Variants in APBA2 observed in about 807,000 individuals in gnomAD.
The protein encoded by APBA2 is amyloid beta precursor protein binding family A member 2.
Under a neutral mutation model 75.0 loss-of-function variants are expected in APBA2, and 30 were observed. The ratio of observed to expected loss-of-function variants is 0.40; its 90% CI spans 0.30 to 0.54. APBA2 has a LOEUF of 0.54. Ranked by LOEUF, APBA2 falls within the 20% of genes least tolerant of loss-of-function variation. The pLI is 0.49. For synonymous variants in APBA2, 444 were observed against 409.6 expected (o/e 1.08, Z -1.01); for missense variants, 801 against 1,016.1 (o/e 0.79, Z 2.88).
rs2042834918 is a variant in APBA2 at position 29,076,048 on chromosome 15, C to G, written c.1033-7C>G. ...TATGTGTTTTATTTTTCCATATTTC[C>G]TAACAGACAAAGAAGGTGGCATCAT... On this transcript the variant is annotated splice_region_variant and splice_polypyrimidine_tract_variant and intron_variant, in intron 5 of 14. Transcript: ENST00000683413. The G allele has an allele frequency of 1.9e-6, 3 of 1,613,848 alleles. No individual in the cohort carries two copies. Among genetic ancestry groups the G allele is most frequent in the Non-Finnish European group, 2.5e-6 (3 of 1,179,828 alleles).
In APBA2 at chr15:29,003,424, A is replaced by G. The variant is rs116773826; in HGVS notation, c.-41+7618A>G. Among the ~76,000 whole-genome samples, 1,034 of 152,320 alleles carry G rather than the reference A, an allele frequency of 6.8e-3. 22 individuals are homozygous for G. The highest frequency in any genetic ancestry group is 0.023 in the African/African-American group (977 of 41,580). On this transcript the variant is annotated intron_variant, in intron 3 of 14. Transcript: ENST00000683413. ...CCATGAGGGTTCCTTCTGTGCATCA[A>G]TTAGTCTAGACTCTTGCTGTTTGAG...
chr15:28,944,385 G>A (rs1156968079), intron 2 of APBA2, among the ~76,000 whole-genome samples: 3 of 152,078 alleles, frequency 2.0e-5, no homozygotes, highest in Admixed American at 6.5e-5. Flanking sequence ...CTGTCCATCC[G>A]GTACCCTCTG....
intron 2 of APBA2, among the ~76,000 whole-genome samples, chr15:28,943,239 G>T (rs2035337992): frequency 6.6e-6 from 1 of 152,148 alleles, no homozygotes; most frequent in Non-Finnish European, 1.5e-5. Flanking sequence ...TGGGACACCG[G>T]TTCTGGCCAG....
intron 8 of APBA2, among the ~76,000 whole-genome samples, chr15:29,097,616 T>C (rs1402390053): frequency 2.6e-5 from 4 of 152,270 alleles, no homozygotes; most frequent in African/African-American, 9.6e-5. Flanking sequence ...GTGAAATGAC[T>C]ATATCTAGCT....
chr15:28,998,202 T>C (rs2038640986), intron 3 of APBA2, among the ~76,000 whole-genome samples: 1 of 135,476 alleles, frequency 7.4e-6, no homozygotes, highest in East Asian at 1.9e-4. Flanking sequence ...TTCTTTTTCT[T>C]TTTTTTTTTT....
At chr15:28,915,943 C>A (rs2033670415) in intron 1 of APBA2, among the ~76,000 whole-genome samples, 1 of 152,118 alleles carries the variant, frequency 6.6e-6, no homozygotes, top group Non-Finnish European at 1.5e-5. Context: ...ACCACACACT[C>A]ACTACCCACC....
chr15:28,960,833 C>T (rs1380711502), intron 2 of APBA2, among the ~76,000 whole-genome samples: 8 of 146,060 alleles, frequency 5.5e-5, no homozygotes, highest in Admixed American at 4.1e-4. Flanking sequence ...GATCTCGGCT[C>T]GCCGCAACCT....
At chr15:29,107,806 T>C (rs2279487) in intron 12 of APBA2, among the ~76,000 whole-genome samples, 102,340 of 152,152 alleles carry the variant, frequency 0.67, 40,482 homozygotes, top group Non-Finnish European at 0.89. Flanking sequence ...ATTTGCTGTG[T>C]GGTCACTCCC....
At chr15:28,986,213 T>C (rs2037920219) in intron 2 of APBA2, among the ~76,000 whole-genome samples, 1 of 152,204 alleles carries the variant, frequency 6.6e-6, no homozygotes, top group African/African-American at 2.4e-5. Context: ...GGACAAAGTA[T>C]GTGCCCACTC....
chr15:28,984,048 G>C (rs758550527), intron 2 of APBA2, among the ~76,000 whole-genome samples: 24 of 152,188 alleles, frequency 1.6e-4, no homozygotes, highest in Non-Finnish European at 3.1e-4. Flanking sequence ...TCACACTTTG[G>C]TGTGAGGCGT....
At chr15:29,013,571 G>A (rs974766936) in intron 3 of APBA2, among the ~76,000 whole-genome samples, 3 of 152,032 alleles carry the variant, frequency 2.0e-5, no homozygotes, top group Admixed American at 1.3e-4. Flanking sequence ...GTGAGCCACC[G>A]CCCCCGGCCG....
chr15:29,114,801 T>G (rs1314422722), intron 14 of APBA2, among the ~76,000 whole-genome samples: 4 of 131,772 alleles, frequency 3.0e-5, no homozygotes, highest in African/African-American at 1.1e-4. Context: ...TGTGTGTGTG[T>G]GGGTGAGTGT....
At chr15:29,017,309 A>G (rs537344063) in intron 3 of APBA2, among the ~76,000 whole-genome samples, 1 of 151,118 alleles carries the variant, frequency 6.6e-6, no homozygotes, top group South Asian at 2.1e-4. Flanking sequence ...TCTTTCTGGA[A>G]TTCCCATCTA....
intron 9 of APBA2, among the ~76,000 whole-genome samples, chr15:29,100,086 C>T (rs2044043828): frequency 6.6e-6 from 1 of 152,176 alleles, no homozygotes; most frequent in Non-Finnish European, 1.5e-5. Flanking sequence ...GCCAAAGTAG[C>T]CATTCAGAGC....
At chr15:28,989,373 A>AG (rs2152780460) in intron 2 of APBA2, among the ~76,000 whole-genome samples, 1 of 152,274 alleles carries the variant, frequency 6.6e-6, no homozygotes, top group Admixed American at 6.5e-5. Context: ...TGGGCCTGGG[A>AG]GGATGCGCAG....
At chr15:29,032,438 C>T (rs914915116) in intron 3 of APBA2, among the ~76,000 whole-genome samples, 1 of 152,258 alleles carries the variant, frequency 6.6e-6, no homozygotes, top group African/African-American at 2.4e-5. Flanking sequence ...GTCAACTCCT[C>T]CTGGAGTTCC....
chr15:28,916,119 C>T (rs1409348532), intron 1 of APBA2, among the ~76,000 whole-genome samples: 1 of 152,244 alleles, frequency 6.6e-6, no homozygotes, highest in African/African-American at 2.4e-5. Flanking sequence ...TGGTCCTGCC[C>T]TCCTTTGGGT....
intron 3 of APBA2, among the ~76,000 whole-genome samples, chr15:29,041,589 A>G (rs1019450152): frequency 2.0e-5 from 3 of 152,068 alleles, no homozygotes; most frequent in Admixed American, 6.6e-5. Context: ...CAAGATCCGT[A>G]TGCTGGAGAC....
chr15:29,091,218 A>G (rs534864997), intron 6 of APBA2, among the ~76,000 whole-genome samples: 2 of 152,198 alleles, frequency 1.3e-5, no homozygotes, highest in African/African-American at 4.8e-5. Context: ...AATGGAGGAT[A>G]TTTAAAAGCC....
Sources: gnomAD v4.1 joint callset for allele counts (sites outside exome capture counted in the v4.1 genomes callset) on GRCh38, gnomAD v4.1.1 for gene constraint, MANE v1.5 for transcripts, NCBI Gene and HGNC (gene_info 2026-07-23, HGNC 2026-07-21) for gene names.